PANK3: variants seen among roughly 807,000 people sequenced by gnomAD.
The protein encoded by PANK3 is pantothenate kinase 3, also known as hPanK3.
PANK3 carries 20 observed loss-of-function variants against 39.4 expected under a neutral mutation model. The ratio of observed to expected loss-of-function variants is 0.51; its 90% CI spans 0.36 to 0.74. The LOEUF (loss-of-function observed/expected upper bound fraction) is 0.74, where lower values mean the gene tolerates loss of function less well. PANK3 is among the 30% of genes least tolerant of loss of function. The pLI is 0.00. For missense variants in PANK3, 265 were observed against 437.0 expected (o/e 0.61, Z 3.51); for synonymous variants, 140 against 157.3 (o/e 0.89, Z 0.82).
chr5:168,559,252 C>A (rs1055770520), intron 5 of PANK3, 95 bp from the exon 6 acceptor site: 1 of 827,008 alleles, frequency 1.2e-6, no homozygotes, highest in Non-Finnish European at 1.7e-6. Context: ...TTTTAAAATG[C>A]AAAAAAACAC....
chr5:168,549,796 C>G lies in PANK3; in HGVS notation c.*7775G>C, dbSNP rs1759248314. ...TTCATTTTTGAGACAGAGTCTTACT[C>G]TGTTGCCCAGGCTGGAATACAGTGG... On this transcript the variant is annotated 3_prime_UTR_variant, in exon 7 of 7. Transcript: ENST00000239231. The G allele has an allele frequency of 6.6e-6, 1 of 152,194 alleles. No individual in the cohort carries two copies. Among genetic ancestry groups the G allele is most frequent in the Admixed American group, 6.5e-5 (1 of 15,280 alleles). 9.4% of individuals were successfully genotyped at this position (152,194 alleles called of 1,614,324 possible). A position where few individuals can be genotyped will look rare whatever the true frequency, so the allele number is the denominator to read the frequency against.
chr5:168,563,951 G>A lies in PANK3; in HGVS notation c.750C>T (p.Val250=), dbSNP rs750663071. 5.6e-6 allele frequency: 9 copies of A among 1,612,680 alleles called. No homozygotes were observed. In the Admixed American group the frequency reaches 1.3e-4, roughly 24 times the overall value. ...KGDSTQADKL[V]RDIYGGDYER... Reference sequence around the variant, plus strand: ...CATAATCTCCTCCATAAATATCACGGACCAGCTTGTCAGCTTGTGTGCTAT... The same window carrying A: ...CATAATCTCCTCCATAAATATCACGAACCAGCTTGTCAGCTTGTGTGCTAT... Residue 250 remains valine (V), a synonymous_variant, in exon 4 of 7, where the codon GTC becomes GTT. Coordinates refer to ENST00000239231, the MANE Select transcript of PANK3 (RefSeq NM_024594.4).
chr5:168,559,908 A>T (rs1370575626), intron 5 of PANK3, among the ~76,000 whole-genome samples: 2 of 152,198 alleles, frequency 1.3e-5, no homozygotes, highest in Non-Finnish European at 2.9e-5. Context: ...TCATCAAATC[A>T]TTCTCTCTCT....
intron 1 of PANK3, among the ~76,000 whole-genome samples, chr5:168,572,270 C>T (rs568271703): frequency 1.3e-5 from 2 of 151,976 alleles, no homozygotes; most frequent in Non-Finnish European, 2.9e-5. Flanking sequence ...TGCACTACCA[C>T]GACCAACTAA....
At chr5:168,565,917 C>A in intron 3 of PANK3, 96 bp downstream of exon 3, 1 of 907,040 alleles carries the variant, frequency 1.1e-6, no homozygotes, top group Non-Finnish European at 1.5e-6. Flanking sequence ...CAAATACATG[C>A]TCTTTTACTG....
At chr5:168,575,894 C>T (rs1451196579) in intron 1 of PANK3, among the ~76,000 whole-genome samples, 2 of 152,086 alleles carry the variant, frequency 1.3e-5, no homozygotes, top group South Asian at 2.1e-4. Flanking sequence ...ACGCTCGAAA[C>T]ATAGGGTATT....
In PANK3 at chr5:168,556,586, C is replaced by T. The variant is rs1285075528; in HGVS notation, c.*985G>A. On this transcript the variant is annotated 3_prime_UTR_variant, in exon 7 of 7. Transcript: ENST00000239231. ...GAGTGGGTTTTGTTGGAAAAAGTGA[C>T]CGTCCTCTAACTGCACCTCTATTTC... The T allele has an allele frequency of 1.3e-5, 2 of 152,542 alleles. No homozygotes were observed. Among genetic ancestry groups the T allele is most frequent in the Non-Finnish European group, 2.9e-5 (2 of 68,024 alleles). 9.4% of individuals were successfully genotyped at this position (152,542 alleles called of 1,614,324 possible). A position where few individuals can be genotyped will look rare whatever the true frequency, so the allele number is the denominator to read the frequency against.
At position 168,552,604 on chromosome 5, in the gene PANK3, C is replaced by A; in HGVS notation, c.*4967G>T. On this transcript the variant is annotated 3_prime_UTR_variant, in exon 7 of 7. Transcript: ENST00000239231. Reference sequence around the variant, plus strand: ...TTCCAGGGAACGGAGTCTGGTCCAACTTCAGAGAAGGCCACAAAGACCAAG... The same window carrying A: ...TTCCAGGGAACGGAGTCTGGTCCAAATTCAGAGAAGGCCACAAAGACCAAG... 4.6e-6 allele frequency: 1 copy of A among 217,748 alleles called. No homozygotes were observed. The highest frequency in any genetic ancestry group is 9.8e-5 in the South Asian group (1 of 10,158). 13.5% of individuals were successfully genotyped at this position (217,748 alleles called of 1,614,324 possible).
Position 168,554,024 on chromosome 5 carries a change from T to C in PANK3, c.*3547A>G, listed in dbSNP as rs1759312179. 6.6e-6 allele frequency: 1 copy of C among 152,236 alleles called. No homozygotes were observed. The highest frequency in any genetic ancestry group is 3.2e-3 in the Middle Eastern group (1 of 316). 9.4% of individuals were successfully genotyped at this position (152,236 alleles called of 1,614,324 possible). On this transcript the variant is annotated 3_prime_UTR_variant, in exon 7 of 7. Coordinates refer to ENST00000239231, the MANE Select transcript of PANK3 (RefSeq NM_024594.4). ...GAAACTTTGTGGGAGTCTGAGGCAA[T>C]ACTGCAGAATTACTAAAAGGATCAG...
chr5:168,575,898 G>C (rs1322079805), intron 1 of PANK3, among the ~76,000 whole-genome samples: 2 of 152,130 alleles, frequency 1.3e-5, no homozygotes. Flanking sequence ...TCGAAACATA[G>C]GGTATTTTAA....
intron 4 of PANK3, among the ~76,000 whole-genome samples, chr5:168,562,975 G>T (rs1451970647): frequency 6.6e-6 from 1 of 151,524 alleles, no homozygotes; most frequent in Admixed American, 6.6e-5. Context: ...TCTCAAATCA[G>T]TGAAATAAAG....
chr5:168,568,882 G>A lies in PANK3; in HGVS notation c.145C>T (p.Arg49Trp). The A allele has an allele frequency of 1.9e-6, 3 of 1,613,104 alleles. No homozygotes were observed. Among genetic ancestry groups the A allele is most frequent in the East Asian group, 2.2e-5 (1 of 44,842 alleles). The change falls in exon 2 of 7, where the codon CGG (arginine) becomes TGG (tryptophan). Residue 49 changes from arginine (R) to tryptophan (W), a missense_variant. Transcript: ENST00000239231. The part of the protein sequence containing the change: ...QEEVESLKSI[R>W]KYLTSNVAYG... ...GCCACGTTAGAAGTCAAATATTTCC[G>A]AATACTTTTTAAACTCTCAACTTCT...
chr5:168,567,004 A>G (rs1759545925), intron 2 of PANK3, among the ~76,000 whole-genome samples: 1 of 152,178 alleles, frequency 6.6e-6, no homozygotes, highest in Non-Finnish European at 1.5e-5. Context: ...TTGGCTTCCC[A>G]AAGTGCTGGA....
chr5:168,575,554 G>A (rs985543009), intron 1 of PANK3, among the ~76,000 whole-genome samples: 1 of 152,162 alleles, frequency 6.6e-6, no homozygotes, highest in Non-Finnish European at 1.5e-5. Context: ...ATCCCAGCGG[G>A]AGGGTCACTT....
chr5:168,569,030 A>AAAAATATATATATATATATATATAT (rs1554125888), intron 1 of PANK3, 32 bp from the exon 2 acceptor site: 2 of 115,514 alleles, frequency 1.7e-5, no homozygotes, highest in Admixed American at 3.8e-4. Flanking sequence ...AAAAAAAAAA[A>AAAAATATATATATATATATATATAT]ATATATATAT....
At position 168,561,481 on chromosome 5, in the gene PANK3, G is replaced by C. The variant is rs756218644; in HGVS notation, c.848C>G (p.Ser283Cys). The C allele has an allele frequency of 6.3e-6, 10 of 1,593,204 alleles. No individual in the cohort carries two copies. The Admixed American group carries it at 1.6e-4, about 25-fold the overall frequency. ...GNMIYKEKRESVSKEDLARAT... is the reference protein window; with the variant it reads ...GNMIYKEKRECVSKEDLARAT... ...TCTTGCCAGATCTTCTTTACTAACA[G>C]ATTCTCGCTTCTCCTTATAAATCAT... The change falls in exon 5 of 7, where the codon TCT becomes TGT. Residue 283 changes from serine to cysteine, a missense_variant. Physicochemically the swap from Ser to Cys is moderately radical, Grantham distance 112. This residue lies in a region of PANK3 where 110 missense variants were observed against 161.2 expected (regional missense o/e 0.68). Transcript: ENST00000239231.
At chr5:168,561,561 A>C (rs2113111073) in intron 4 of PANK3, 45 bp from the exon 5 acceptor site, 1 of 1,493,502 alleles carries the variant, frequency 6.7e-7, no homozygotes, top group Non-Finnish European at 9.0e-7. Context: ...GATAAAAAGC[A>C]ACATTTTACG....
rs1362485039 is a variant in PANK3, at chr5:168,552,748, T to TG, written c.*4822dup. On this transcript the variant is annotated 3_prime_UTR_variant, in exon 7 of 7. Coordinates refer to ENST00000239231, the MANE Select transcript of PANK3 (RefSeq NM_024594.4). ...GACCTATCATATGTAAAGTCCTTCC[T>TG]GCCCTTTCAACCACAAACAGAGAGA... 1 of 175,098 alleles carries TG rather than the reference T, an allele frequency of 5.7e-6. No homozygotes were observed. Among genetic ancestry groups the TG allele is most frequent in the Admixed American group, 6.1e-5 (1 of 16,420 alleles). The allele number at this position is 175,098 out of a possible 1,614,324, so 10.8% of individuals were successfully genotyped here.
At chr5:168,573,446 A>AAAAAAAAAAAAAAAAAAAT (rs1759680097) in intron 1 of PANK3, among the ~76,000 whole-genome samples, 2 of 134,272 alleles carry the variant, frequency 1.5e-5, no homozygotes, top group Non-Finnish European at 3.2e-5. Flanking sequence ...AAAAAAAAAA[A>AAAAAAAAAAAAAAAAAAAT]GGCACAAAGA....
Sources: allele counts gnomAD v4.1 joint callset (sites outside exome capture counted in the v4.1 genomes callset), GRCh38; gene constraint gnomAD v4.1.1; regional missense constraint gnomAD v4.1.1; transcripts MANE v1.5; gene names NCBI Gene and HGNC (gene_info 2026-07-23, HGNC 2026-07-21).